The following LYPD6 variants were observed in gnomAD, a reference collection of about 807,000 sequenced individuals.
The protein encoded by LYPD6 is LY6/PLAUR domain containing 6.
A neutral mutation model predicts 22.7 loss-of-function variants in LYPD6; 15 were observed. That is an observed-to-expected ratio of 0.66 (90% CI 0.44 to 1.02). LYPD6 has a LOEUF of 1.02. Ranked by LOEUF, LYPD6 falls within the 50% of genes least tolerant of loss-of-function variation. The pLI is 0.00. For synonymous variants in LYPD6, 72 were observed against 77.5 expected (o/e 0.93, Z 0.37); for missense variants, 189 against 208.4 (o/e 0.91, Z 0.57).
At chr2:149,381,362 G>T (rs887112259) in intron 1 of LYPD6, among the ~76,000 whole-genome samples, 8 of 152,152 alleles carry the variant, frequency 5.3e-5, no homozygotes, top group Non-Finnish European at 1.0e-4. Flanking sequence ...TTGGGTTGCT[G>T]AGTAGGGAGG....
At chr2:149,459,278 G>C (rs1282241876) in intron 3 of LYPD6, among the ~76,000 whole-genome samples, 2 of 152,160 alleles carry the variant, frequency 1.3e-5, no homozygotes, top group African/African-American at 4.8e-5. Context: ...TATCAATGCT[G>C]AATCTTATAT....
chr2:149,402,985 G>T (rs927432913), intron 1 of LYPD6, among the ~76,000 whole-genome samples: 7 of 151,190 alleles, frequency 4.6e-5, no homozygotes, highest in African/African-American at 1.7e-4. Context: ...GCAGTGTTTG[G>T]TTTTTTGTCC....
intron 1 of LYPD6, among the ~76,000 whole-genome samples, chr2:149,415,075 T>A (rs191091587): frequency 7.9e-5 from 12 of 152,336 alleles, no homozygotes; most frequent in African/African-American, 2.9e-4. Context: ...TGGTAGTGGG[T>A]GTTCCTTATA....
chr2:149,418,305 G>A (rs750563941), intron 1 of LYPD6, among the ~76,000 whole-genome samples: 3 of 152,160 alleles, frequency 2.0e-5, no homozygotes, highest in Non-Finnish European at 4.4e-5. Context: ...GCTGCGATTC[G>A]ATCATTTCCT....
chr2:149,358,082 G>A (rs1020243940), intron 1 of LYPD6, among the ~76,000 whole-genome samples: 2 of 151,970 alleles, frequency 1.3e-5, no homozygotes, highest in Non-Finnish European at 2.9e-5. Flanking sequence ...CACTGCGCCC[G>A]GCTGAAATAC....
downstream of LYPD6, among the ~76,000 whole-genome samples, chr2:149,478,184 C>A (rs73966841): frequency 5.7e-4 from 87 of 152,222 alleles, no homozygotes; most frequent in African/African-American, 1.9e-3. Flanking sequence ...ATTTTAAAGA[C>A]AGTGGGACAG....
At chr2:149,368,469 G>C (rs1322345373) in intron 1 of LYPD6, among the ~76,000 whole-genome samples, 1 of 152,116 alleles carries the variant, frequency 6.6e-6, no homozygotes, top group African/African-American at 2.4e-5. Flanking sequence ...GCAGTCAGAG[G>C]CTTCAGTGAT....
intron 1 of LYPD6, among the ~76,000 whole-genome samples, chr2:149,436,735 C>A (rs1205694434): frequency 6.6e-6 from 1 of 152,142 alleles, no homozygotes; most frequent in East Asian, 1.9e-4. Context: ...GTGCCTGCCA[C>A]CACACCCAAC....
intron 1 of LYPD6, among the ~76,000 whole-genome samples, chr2:149,413,725 C>T (rs754068946): frequency 2.0e-5 from 3 of 152,060 alleles, no homozygotes; most frequent in African/African-American, 7.2e-5. Flanking sequence ...AAGTGTTGGC[C>T]AGGGTCATTA....
the LYPD6 span, among the ~76,000 whole-genome samples, chr2:149,486,057 A>G: frequency 6.6e-6 from 1 of 152,198 alleles, no homozygotes; most frequent in African/African-American, 2.4e-5. Context: ...CATTTCACAA[A>G]AAGATATAGA....
intron 1 of LYPD6, among the ~76,000 whole-genome samples, chr2:149,378,051 C>G (rs1681969590): frequency 6.6e-6 from 1 of 152,026 alleles, no homozygotes; most frequent in South Asian, 2.1e-4. Context: ...GCTGTTTTAC[C>G]TATTCTTCAA....
chr2:149,410,541 A>G (rs1338626105), intron 1 of LYPD6, among the ~76,000 whole-genome samples: 5 of 150,498 alleles, frequency 3.3e-5, no homozygotes, highest in Non-Finnish European at 7.3e-5. Flanking sequence ...CCTGAAAAGT[A>G]ACTCTTGCTT....
At chr2:149,349,368 A>G (rs1275696414) in intron 1 of LYPD6, among the ~76,000 whole-genome samples, 2 of 152,132 alleles carry the variant, frequency 1.3e-5, no homozygotes, top group African/African-American at 4.8e-5. Context: ...GGGCTAGAAA[A>G]CTGAAGCAAC....
chr2:149,477,222 T>C (rs903638291), downstream of LYPD6, among the ~76,000 whole-genome samples: 4 of 152,220 alleles, frequency 2.6e-5, no homozygotes, highest in Non-Finnish European at 5.9e-5. Flanking sequence ...CCAAGTGTGC[T>C]GTGTAGAGAC....
rs1681261135 is a variant in LYPD6 at position 149,468,668 on chromosome 2, C to T, written c.241C>T (p.His81Tyr). The T allele has an allele frequency of 1.9e-6, 3 of 1,613,532 alleles. No individual in the cohort carries two copies. The highest frequency in any genetic ancestry group is 2.7e-5 in the African/African-American group (2 of 75,008). The stretch of plus-strand genomic sequence containing the variant: ...AGAGACCAGATACTGCTACACTCAG[C>T]ACACAATGGAAGTCACAGGAAACAG... ...PRETRYCYTQHTMEVTGNSIS... is the reference protein window; with the variant it reads ...PRETRYCYTQYTMEVTGNSIS... Residue 81 changes from histidine to tyrosine, a missense_variant, in exon 4 of 5, where the codon CAC (histidine) becomes TAC (tyrosine). Physicochemically the swap from His to Tyr is moderately conservative, Grantham distance 83. Transcript: ENST00000334166.
rs778004561 is a variant in LYPD6, at chr2:149,449,144, C to T, written c.214C>T (p.Arg72Ter). 4.3e-5 allele frequency: 69 copies of T among 1,609,444 alleles called. No individual in the cohort carries two copies. In the Admixed American group the frequency reaches 1.1e-3, roughly 25 times the overall value. The stretch of plus-strand genomic sequence containing the variant: ...ATGGGCTCCAGACATCTACTGCCCT[C>T]GAGGTAAACTCTCAGTAGACTGATT... ...NRWAPDIYCPRETRYCYTQHT... is the reference protein window; with the variant it reads ...NRWAPDIYCP The change falls in exon 3 of 5, where the codon CGA becomes TGA. Residue 72 changes from arginine to a stop codon, truncating the protein, a stop_gained. Transcript: ENST00000334166. LOFTEE classifies it high-confidence loss of function.
Position 149,402,372 on chromosome 2 carries a change from T to G in LYPD6, c.-71-35266T>G, listed in dbSNP as rs1246820835. ...TGCATGTGCAAATATCTTTTTCATA[T>G]AATGACTTATTTTCCTCTGGGTAGA... On this transcript the variant is annotated intron_variant, in intron 1 of 4. Coordinates refer to ENST00000334166, the MANE Select transcript of LYPD6 (RefSeq NM_194317.5). 2.0e-5 allele frequency among the ~76,000 whole-genome samples: 3 copies of G among 152,312 alleles called. No individual in the cohort carries two copies. In the East Asian group the frequency reaches 5.8e-4, roughly 29 times the overall value.
chr2:149,476,796 C>T (rs768302308), downstream of LYPD6, among the ~76,000 whole-genome samples: 18 of 152,286 alleles, frequency 1.2e-4, 1 homozygote, highest in Admixed American at 7.8e-4. Flanking sequence ...ACATGCCATC[C>T]GCCTCCCCAC....
intron 1 of LYPD6, among the ~76,000 whole-genome samples, chr2:149,395,164 C>G (rs56057205): frequency 0.059 from 8,961 of 151,784 alleles, 316 homozygotes; most frequent in Middle Eastern, 0.085. Flanking sequence ...AAGCTGTTCT[C>G]TCCACCATGG....
Sources: gnomAD v4.1 joint callset for allele counts (sites outside exome capture counted in the v4.1 genomes callset) on GRCh38, gnomAD v4.1.1 for gene constraint, MANE v1.5 for transcripts, NCBI Gene and HGNC (gene_info 2026-07-23, HGNC 2026-07-21) for gene names.